The following CPNE4 variants were observed in gnomAD, a reference collection of about 807,000 sequenced individuals.
The protein encoded by CPNE4 is copine-4.
A neutral mutation model predicts 67.9 loss-of-function variants in CPNE4; 25 were observed. That is an observed-to-expected ratio of 0.37 (90% CI 0.27 to 0.51). The LOEUF is 0.51. Among genes scored for constraint, CPNE4 ranks in the 20% least tolerant of loss-of-function variants. The pLI is 0.93. For synonymous variants in CPNE4, 242 were observed against 244.9 expected (o/e 0.99, Z 0.11); for missense variants, 464 against 690.8 (o/e 0.67, Z 3.68).
intron 1 of CPNE4, among the ~76,000 whole-genome samples, chr3:131,984,432 A>G (rs998835472): frequency 6.6e-6 from 1 of 152,238 alleles, no homozygotes; most frequent in African/African-American, 2.4e-5. Context: ...TGTAAATATT[A>G]GAGCTGGGAC....
intron 3 of CPNE4, among the ~76,000 whole-genome samples, chr3:131,720,720 C>T (rs531672504): frequency 1.3e-5 from 2 of 152,272 alleles, no homozygotes; most frequent in Admixed American, 1.3e-4. Context: ...GAGTTAAGCT[C>T]CAGTTACGTA....
chr3:131,629,384 T>A (rs1191483316), intron 7 of CPNE4, among the ~76,000 whole-genome samples: 1 of 134,830 alleles, frequency 7.4e-6, no homozygotes, highest in African/African-American at 3.8e-5. Context: ...AATTAAGGTA[T>A]GTTCATCTTT....
chr3:132,008,438 T>A lies in CPNE4; in HGVS notation c.-2+26129A>T, dbSNP rs1113078. On this transcript the variant is annotated intron_variant, in intron 1 of 15. Coordinates refer to ENST00000429747, the MANE Select transcript of CPNE4 (RefSeq NM_130808.3). ...CTTAATCACAATGCCATAATATAGC[T>A]ATTATTCCTATTTTAAGGACAAGGA... Among the ~76,000 whole-genome samples the A allele has an allele frequency of 1.4e-3, 213 of 152,136 alleles. 2 individuals carry two copies. The East Asian group carries it at 0.027, about 19-fold the overall frequency.
chr3:131,846,392 T>C (rs1163244412), intron 2 of CPNE4, among the ~76,000 whole-genome samples: 1 of 152,180 alleles, frequency 6.6e-6, no homozygotes, highest in African/African-American at 2.4e-5. Context: ...TCCCTGCATG[T>C]CCAACTACCT....
chr3:132,012,096 C>T (rs199655105), intron 1 of CPNE4, among the ~76,000 whole-genome samples: 1 of 151,240 alleles, frequency 6.6e-6, no homozygotes, highest in Non-Finnish European at 1.5e-5. Flanking sequence ...CATTGTAGCA[C>T]AAAAGCAGCC....
At chr3:131,909,049 C>T (rs963741269) in intron 1 of CPNE4, among the ~76,000 whole-genome samples, 2 of 152,104 alleles carry the variant, frequency 1.3e-5, no homozygotes, top group African/African-American at 4.8e-5. Context: ...ACTATTAAGA[C>T]CAAACTTCTA....
intron 7 of CPNE4, among the ~76,000 whole-genome samples, chr3:131,649,655 G>C (rs546378157): frequency 6.6e-6 from 1 of 152,246 alleles, no homozygotes; most frequent in Non-Finnish European, 1.5e-5. Context: ...CACTCCCAAA[G>C]TGGTTACAGA....
At chr3:131,571,822 A>T (rs1438043161) in intron 10 of CPNE4, among the ~76,000 whole-genome samples, 1 of 151,892 alleles carries the variant, frequency 6.6e-6, no homozygotes, top group South Asian at 2.1e-4. Context: ...ATTACCTCAA[A>T]ATTCAAAGCC....
At chr3:131,562,779 A>G (rs1936843543) in intron 11 of CPNE4, among the ~76,000 whole-genome samples, 1 of 152,040 alleles carries the variant, frequency 6.6e-6, no homozygotes, top group South Asian at 2.1e-4. Flanking sequence ...CACTGCCTGC[A>G]TTGGGGCTTG....
intron 7 of CPNE4, among the ~76,000 whole-genome samples, chr3:131,650,572 C>A (rs890949780): frequency 7.0e-6 from 1 of 143,408 alleles, no homozygotes; most frequent in Admixed American, 6.7e-5. Context: ...GGTGAAACCC[C>A]GTCTCTACTA....
intron 7 of CPNE4, among the ~76,000 whole-genome samples, chr3:131,623,986 C>T (rs7646543): frequency 0.28 from 41,933 of 152,056 alleles, 9,536 homozygotes; most frequent in African/African-American, 0.63. Context: ...TTATTTGTCA[C>T]GGCAGTTGTT....
chr3:131,575,083 T>A lies in CPNE4; in HGVS notation c.915A>T (p.Gln305His). 6.2e-7 allele frequency: 1 copy of A among 1,612,750 alleles called. No homozygotes were observed. Among genetic ancestry groups the A allele is most frequent in the East Asian group, 2.2e-5 (1 of 44,812 alleles). Reference sequence around the variant, plus strand: ...GAAAACAACTTACTGTAAACTGGATTTGGCAGCCACCCATGATGTAGTCCA... The same window carrying A: ...GAAAACAACTTACTGTAAACTGGATATGGCAGCCACCCATGATGTAGTCCA... ...SFLDYIMGGC[Q>H]IQFTVAIDFT... Residue 305 changes from glutamine (Q) to histidine (H), a missense_variant, in exon 10 of 16, where the codon CAA (glutamine) becomes CAT (histidine). Physicochemically the swap from Gln to His is conservative, Grantham distance 24. Transcript: ENST00000429747.
At chr3:132,017,069 A>G (rs995418468) in intron 1 of CPNE4, among the ~76,000 whole-genome samples, 34 of 152,342 alleles carry the variant, frequency 2.2e-4, no homozygotes, top group African/African-American at 7.0e-4. Flanking sequence ...AAGGTAATGC[A>G]GGACAAAAAT....
intron 1 of CPNE4, among the ~76,000 whole-genome samples, chr3:131,993,088 GGCACATGATTT>G (rs1228498005): frequency 7.4e-6 from 1 of 135,902 alleles, no homozygotes; most frequent in Non-Finnish European, 1.7e-5. Context: ...TGGAGGATAA[GGCACATGATTT>G]GCTTTTCAGC....
chr3:131,941,445 T>C (rs1386583561), intron 1 of CPNE4, among the ~76,000 whole-genome samples: 1 of 152,066 alleles, frequency 6.6e-6, no homozygotes, highest in Non-Finnish European at 1.5e-5. Flanking sequence ...CAGAGCTTTT[T>C]TCTCCCTTTA....
chr3:131,976,456 G>A (rs942541371), intron 1 of CPNE4, among the ~76,000 whole-genome samples: 20 of 152,072 alleles, frequency 1.3e-4, no homozygotes, highest in East Asian at 1.9e-4. Context: ...AAAGACTTTG[G>A]TTTTTATTAT....
intron 10 of CPNE4, among the ~76,000 whole-genome samples, chr3:131,568,709 T>C (rs1411806329): frequency 6.6e-6 from 1 of 152,060 alleles, no homozygotes; most frequent in African/African-American, 2.4e-5. Context: ...GTCCCCAGTG[T>C]GTGGAGCTGT....
intron 2 of CPNE4, among the ~76,000 whole-genome samples, chr3:131,811,969 G>T (rs920125302): frequency 6.6e-6 from 1 of 152,114 alleles, no homozygotes; most frequent in Non-Finnish European, 1.5e-5. Flanking sequence ...AAGCACTATT[G>T]CAGGGTATTG....
rs558905978 is a variant in CPNE4, at chr3:131,825,089, T to C, written c.180+80175A>G. On this transcript the variant is annotated intron_variant, in intron 2 of 15. Coordinates refer to ENST00000429747, the MANE Select transcript of CPNE4 (RefSeq NM_130808.3). ...TCTACTGGGAGATTCCTTAGCAGCT[T>C]TTGGTGTCATAGTAATAAATTTTCC... Among the ~76,000 whole-genome samples the C allele has an allele frequency of 4.7e-4, 72 of 152,160 alleles. No individual in the cohort carries two copies. In the South Asian group the frequency reaches 0.011, roughly 24 times the overall value.
Sources: gnomAD v4.1 joint callset for allele counts (sites outside exome capture counted in the v4.1 genomes callset) on GRCh38, gnomAD v4.1.1 for gene constraint, MANE v1.5 for transcripts, NCBI Gene and HGNC (gene_info 2026-07-23, HGNC 2026-07-21) for gene names.